Variants in MAGI2 observed in about 807,000 individuals in gnomAD.
The protein encoded by MAGI2 is membrane-associated guanylate kinase, WW and PDZ domain-containing protein 2.
In MAGI2, 35 loss-of-function variants were observed where a neutral mutation model predicts 133.3. That is an observed-to-expected ratio of 0.26 (90% confidence interval 0.20 to 0.35). The LOEUF (loss-of-function observed/expected upper bound fraction) is 0.35. MAGI2 is among the 10% of genes least tolerant of loss of function. The pLI is 1.00. For missense variants in MAGI2, 1,636 were observed against 1,863.4 expected (o/e 0.88, Z 2.25); for synonymous variants, 729 against 710.6 (o/e 1.03, Z -0.41).
intron 20 of MAGI2, among the ~76,000 whole-genome samples, chr7:78,092,541 G>A (rs1425735733): frequency 6.6e-6 from 1 of 152,172 alleles, no homozygotes; most frequent in Non-Finnish European, 1.5e-5. Flanking sequence ...ATGAAATTGG[G>A]CAGCATGTTT....
intron 9 of MAGI2, among the ~76,000 whole-genome samples, chr7:78,269,972 C>T (rs1045390119): frequency 2.0e-5 from 3 of 151,902 alleles, no homozygotes; most frequent in Non-Finnish European, 2.9e-5. Flanking sequence ...CCAGTTTCAG[C>T]TTTCTGCATA....
intron 2 of MAGI2, among the ~76,000 whole-genome samples, chr7:78,769,575 C>G (rs1825376545): frequency 1.3e-5 from 2 of 152,112 alleles, no homozygotes. Flanking sequence ...CATCAGAAAA[C>G]AGAGATCAGA....
chr7:78,555,186 ACGGT>A (rs879398934), intron 3 of MAGI2, among the ~76,000 whole-genome samples: 178 of 133,316 alleles, frequency 1.3e-3, no homozygotes, highest in Non-Finnish European at 2.1e-3. Context: ...ATGATAGAGG[ACGGT>A]TGGATGGATG....
At chr7:78,299,570 G>C (rs1797646283) in intron 9 of MAGI2, among the ~76,000 whole-genome samples, 1 of 152,068 alleles carries the variant, frequency 6.6e-6, no homozygotes, top group Admixed American at 6.6e-5. Flanking sequence ...GTTATATATG[G>C]GTGATTTTTT....
intron 1 of MAGI2, among the ~76,000 whole-genome samples, chr7:79,102,450 T>C (rs574129912): frequency 1.3e-5 from 2 of 152,334 alleles, no homozygotes; most frequent in East Asian, 1.9e-4. Flanking sequence ...ATCTCTTTCT[T>C]ACCAAAATCC....
rs560998653 is a variant in MAGI2, at chr7:79,025,277, C to G, written c.302-18071G>C. On this transcript the variant is annotated intron_variant, in intron 1 of 21. Transcript: ENST00000354212. ...CAGAAAACCAAATACTGCATTTTCTCATGTATAAGTGGAGGCTAAACATTG... is the reference window on the plus strand; with the variant it reads ...CAGAAAACCAAATACTGCATTTTCTGATGTATAAGTGGAGGCTAAACATTG... 4.0e-4 allele frequency among the ~76,000 whole-genome samples: 61 copies of G among 152,214 alleles called. 1 individual carries two copies. The South Asian group carries it at 0.012, about 31-fold the overall frequency.
At chr7:78,515,756 G>A (rs927473695) in intron 4 of MAGI2, among the ~76,000 whole-genome samples, 26 of 151,988 alleles carry the variant, frequency 1.7e-4, no homozygotes, top group Non-Finnish European at 3.2e-4. Flanking sequence ...AAAATTAGCC[G>A]GGTGTGGTGG....
At chr7:78,318,855 C>G (rs1201784250) in intron 9 of MAGI2, among the ~76,000 whole-genome samples, 1 of 152,130 alleles carries the variant, frequency 6.6e-6, no homozygotes, top group Non-Finnish European at 1.5e-5. Context: ...AATTTCATAT[C>G]CAGCCAAACA....
At chr7:78,400,304 G>A (rs1367258771) in intron 6 of MAGI2, among the ~76,000 whole-genome samples, 3 of 152,046 alleles carry the variant, frequency 2.0e-5, no homozygotes, top group Admixed American at 6.6e-5. Flanking sequence ...AGAAAACAAT[G>A]TTTCTAGGTT....
At chr7:78,347,188 T>C (rs1791007839) in intron 7 of MAGI2, 1 of 152,248 alleles carries the variant, frequency 6.6e-6, no homozygotes, top group Admixed American at 6.5e-5. Context: ...ACACACTTAT[T>C]GTGTGTATAC....
intron 3 of MAGI2, among the ~76,000 whole-genome samples, chr7:78,601,020 C>A (rs1299876059): frequency 6.6e-6 from 1 of 152,042 alleles, no homozygotes; most frequent in African/African-American, 2.4e-5. Flanking sequence ...ATTTTGTCAA[C>A]ATAAAAATAA....
At chr7:79,239,463 A>G (rs1832209231) in intron 1 of MAGI2, among the ~76,000 whole-genome samples, 1 of 152,194 alleles carries the variant, frequency 6.6e-6, no homozygotes, top group Non-Finnish European at 1.5e-5. Flanking sequence ...TCATCTTTTC[A>G]TTCATTTATC....
At chr7:79,243,436 G>C (rs761832368) in intron 1 of MAGI2, among the ~76,000 whole-genome samples, 19 of 152,160 alleles carry the variant, frequency 1.2e-4, no homozygotes, top group Non-Finnish European at 2.8e-4. Flanking sequence ...GATAGAGTGT[G>C]GGGATATTAT....
At chr7:78,710,071 C>G (rs1001829949) in intron 2 of MAGI2, among the ~76,000 whole-genome samples, 2 of 152,142 alleles carry the variant, frequency 1.3e-5, no homozygotes, top group Admixed American at 6.5e-5. Flanking sequence ...GGACCTTTCA[C>G]GAGAGTTGCC....
intron 3 of MAGI2, among the ~76,000 whole-genome samples, chr7:78,588,138 G>A (rs1563208826): frequency 2.0e-5 from 3 of 152,156 alleles, no homozygotes; most frequent in Admixed American, 1.3e-4. Context: ...AGTGTCACAG[G>A]CCTCCCAGAA....
At chr7:79,311,293 C>G (rs193131043) in intron 1 of MAGI2, among the ~76,000 whole-genome samples, 234 of 152,236 alleles carry the variant, frequency 1.5e-3, no homozygotes, top group African/African-American at 5.4e-3. Context: ...GAAGAATTGT[C>G]TTGGGTCACA....
intron 6 of MAGI2, among the ~76,000 whole-genome samples, chr7:78,473,854 T>C (rs111452443): frequency 0.045 from 6,848 of 151,660 alleles, 232 homozygotes; most frequent in Non-Finnish European, 0.066. Context: ...AGCCCAAAAG[T>C]GGGAGGGAAT....
chr7:78,669,257 G>T (rs911745101), intron 2 of MAGI2, among the ~76,000 whole-genome samples: 40 of 152,084 alleles, frequency 2.6e-4, no homozygotes, highest in African/African-American at 7.7e-4. Context: ...CGATCCCACA[G>T]AAATACAAAC....
At position 78,460,436 on chromosome 7, in the gene MAGI2, T is replaced by G. The variant is rs1007288305; in HGVS notation, c.1045+29325A>C. ...TTGAAAATTCTAACTCAGATTTCCA[T>G]GTTGTTAATGAATTGTGGCAAAATA... On this transcript the variant is annotated intron_variant, in intron 6 of 21. Transcript: ENST00000354212. 3.3e-5 allele frequency among the ~76,000 whole-genome samples: 5 copies of G among 152,246 alleles called. No homozygotes were observed. The East Asian group carries it at 9.6e-4, about 29-fold the overall frequency.
Sources: allele counts gnomAD v4.1 joint callset (sites outside exome capture counted in the v4.1 genomes callset), GRCh38; gene constraint gnomAD v4.1.1; transcripts MANE v1.5; gene names NCBI Gene and HGNC (gene_info 2026-07-23, HGNC 2026-07-21).